The following DTWD1 variants were observed in gnomAD, a reference collection of about 807,000 sequenced individuals.
DTWD1 encodes DTW motif tRNA-uridine aminocarboxypropyltransferase 1.
DTWD1 carries 27 observed loss-of-function variants against 30.2 expected under a neutral mutation model. The observed-to-expected ratio is 0.90, with a 90% CI of 0.66 to 1.23. DTWD1 has a LOEUF of 1.23. Among genes scored for constraint, DTWD1 ranks in the 50% most tolerant of loss-of-function variants. The pLI, the probability that DTWD1 is intolerant of heterozygous loss-of-function variation, is 0.00. For synonymous variants in DTWD1, 99 were observed against 113.1 expected (o/e 0.88, Z 0.79); for missense variants, 342 against 348.8 (o/e 0.98, Z 0.15).
chr15:49,640,510 A>G (rs2079053657), intron 4 of DTWD1, among the ~76,000 whole-genome samples: 1 of 152,084 alleles, frequency 6.6e-6, no homozygotes, highest in African/African-American at 2.4e-5. Flanking sequence ...ATAATGCCAA[A>G]TTGTTTTTCA....
At chr15:49,628,301 A>G (rs1315077685) in intron 2 of DTWD1, among the ~76,000 whole-genome samples, 2 of 152,210 alleles carry the variant, frequency 1.3e-5, no homozygotes, top group East Asian at 3.8e-4. Context: ...TTTTACAGTT[A>G]ACATTTCTTT....
rs765019693 is a variant in DTWD1 at position 49,634,770 on chromosome 15, A to G, written c.643A>G (p.Ile215Val). 10 of 1,583,630 alleles carry G rather than the reference A, an allele frequency of 6.3e-6. No homozygotes were observed. In the African/African-American group the frequency reaches 1.2e-4, roughly 19 times the overall value. The change falls in exon 4 of 5, where the codon ATA becomes GTA. Residue 215 changes from isoleucine (I) to valine (V), a missense_variant. By Grantham distance (29) the Ile-to-Val change is conservative. Transcript: ENST00000403028. ...TAGCACCTGGAACCAAACAAACAAA[A>G]TATTCACTGATGAGCGACTTCAAGG... ...IDSTWNQTNKIFTDERLQGLL... is the reference protein window; with the variant it reads ...IDSTWNQTNKVFTDERLQGLL...
chr15:49,636,197 C>G (rs2079000206), intron 4 of DTWD1, among the ~76,000 whole-genome samples: 1 of 151,992 alleles, frequency 6.6e-6, no homozygotes, highest in East Asian at 1.9e-4. Flanking sequence ...ACATTTATTG[C>G]CAAGTAGTAT....
At position 49,643,442 on chromosome 15, in the gene DTWD1, A is replaced by C. The variant is rs1274839182; in HGVS notation, c.779A>C (p.Asp260Ala). 1 of 1,605,428 alleles carries C rather than the reference A, an allele frequency of 6.2e-7. No individual in the cohort carries two copies. Among genetic ancestry groups the C allele is most frequent in the African/African-American group, 1.3e-5 (1 of 74,530 alleles). ...GAAGCCATTTACTACTTTCTGGTAG[A>C]CTACCATACTGATATATTAAAAGAG... ...TIEAIYYFLV[D>A]YHTDILKEKY... Residue 260 changes from aspartate (D) to alanine (A), a missense_variant, in exon 5 of 5, where the codon GAC (aspartate) becomes GCC (alanine). Coordinates refer to ENST00000403028, the MANE Select transcript of DTWD1 (RefSeq NM_001144955.2).
In DTWD1 at chr15:49,644,472, T is replaced by C. The variant is rs2079101633; in HGVS notation, c.*894T>C. The C allele has an allele frequency of 6.6e-6, 1 of 152,236 alleles. No individual in the cohort carries two copies. The highest frequency in any genetic ancestry group is 1.5e-5 in the Non-Finnish European group (1 of 68,066). 9.4% of individuals were successfully genotyped at this position (152,236 alleles called of 1,614,324 possible). On this transcript the variant is annotated 3_prime_UTR_variant, in exon 5 of 5. Coordinates refer to ENST00000403028, the MANE Select transcript of DTWD1 (RefSeq NM_001144955.2). ...GCTTGTGAATAGAGCCCTACTGTGCTGAATAGCTTCTGTCTGCTCTTTTCT... is the reference window on the plus strand; with the variant it reads ...GCTTGTGAATAGAGCCCTACTGTGCCGAATAGCTTCTGTCTGCTCTTTTCT...
Position 49,653,066 on chromosome 15 carries a change from T to A in DTWD1, c.*9488T>A, listed in dbSNP as rs1478685195. On this transcript the variant is annotated 3_prime_UTR_variant, in exon 5 of 5. Coordinates refer to ENST00000403028, the MANE Select transcript of DTWD1 (RefSeq NM_001144955.2). ...TTCAGCATATGACATTTTGGAGTAG[T>A]TTGTTATTCAGCAATAGATAACAGA... 1 of 152,184 alleles carries A rather than the reference T, an allele frequency of 6.6e-6. No homozygotes were observed. The highest frequency in any genetic ancestry group is 2.4e-5 in the African/African-American group (1 of 41,442). 9.4% of individuals were successfully genotyped at this position (152,184 alleles called of 1,614,324 possible). A position where few individuals can be genotyped will look rare whatever the true frequency, so the allele number is the denominator to read the frequency against.
chr15:49,634,212 G>A (rs576952949), intron 3 of DTWD1, among the ~76,000 whole-genome samples: 32 of 152,198 alleles, frequency 2.1e-4, no homozygotes, highest in African/African-American at 6.7e-4. Flanking sequence ...GTTCTTTTAC[G>A]AAGTATCATG....
chr15:49,640,330 C>A (rs1249771890), intron 4 of DTWD1, among the ~76,000 whole-genome samples: 1 of 152,026 alleles, frequency 6.6e-6, no homozygotes, highest in Non-Finnish European at 1.5e-5. Context: ...CTGTGATATA[C>A]TACAGTTTAT....
rs566145930 is a variant in DTWD1 at position 49,649,432 on chromosome 15, AAG to A, written c.*5859_*5860del. The A allele has an allele frequency of 6.6e-6, 1 of 152,176 alleles. No homozygotes were observed. The highest frequency in any genetic ancestry group is 2.4e-5 in the African/African-American group (1 of 41,434). 9.4% of individuals were successfully genotyped at this position (152,176 alleles called of 1,614,324 possible). On this transcript the variant is annotated 3_prime_UTR_variant, in exon 5 of 5. Coordinates refer to ENST00000403028, the MANE Select transcript of DTWD1 (RefSeq NM_001144955.2). Reference sequence around the variant, plus strand: ...CGGAGAAGGAAACCAAAAACCAAAAAAGAGAGCATTAAGAAGTCAGCAGGCCA... The same window carrying A: ...CGGAGAAGGAAACCAAAAACCAAAAAAGAGCATTAAGAAGTCAGCAGGCCA...
At chr15:49,635,445 ATTTTGTTTT>A (rs554709145) in intron 4 of DTWD1, among the ~76,000 whole-genome samples, 350 of 152,068 alleles carry the variant, frequency 2.3e-3, no homozygotes, top group African/African-American at 7.9e-3. Context: ...TAGATCTTCT[ATTTTGTTTT>A]TTTTGTTTTT....
rs1377212283 is a variant in DTWD1 at position 49,648,238 on chromosome 15, A to G, written c.*4660A>G. The G allele has an allele frequency of 6.6e-6, 1 of 152,160 alleles. No homozygotes were observed. The highest frequency in any genetic ancestry group is 1.5e-5 in the Non-Finnish European group (1 of 68,026). The allele number at this position is 152,160 out of a possible 1,614,324, so 9.4% of individuals were successfully genotyped here. A position where few individuals can be genotyped will look rare whatever the true frequency, so the allele number is the denominator to read the frequency against. ...TTAAGCTCTATATACACTGCATATC[A>G]TCATCATGACATTGAGTTTCTAGCT... On this transcript the variant is annotated 3_prime_UTR_variant, in exon 5 of 5. Coordinates refer to ENST00000403028, the MANE Select transcript of DTWD1 (RefSeq NM_001144955.2).
chr15:49,635,616 G>A (rs766515368), intron 4 of DTWD1, among the ~76,000 whole-genome samples: 2 of 151,322 alleles, frequency 1.3e-5, no homozygotes, highest in East Asian at 2.0e-4. Flanking sequence ...CCTCAGCCTC[G>A]CTAGTAGCTG....
chr15:49,643,326 G>A lies in DTWD1; in HGVS notation c.668-5G>A. 2 of 653,592 alleles carry A rather than the reference G, an allele frequency of 3.1e-6. No individual in the cohort carries two copies. Among genetic ancestry groups the A allele is most frequent in the Non-Finnish European group, 3.7e-6 (2 of 536,394 alleles). 40.5% of individuals were successfully genotyped at this position (653,592 alleles called of 1,614,324 possible). On this transcript the variant is annotated splice_polypyrimidine_tract_variant and splice_region_variant and intron_variant, in intron 4 of 4. Transcript: ENST00000403028. ...TCTTTCTTTTTTTTTTTTTTTTTTT[G>A]ACAGGGTTGTTACAAGTTGAGTTGA...
intron 4 of DTWD1, among the ~76,000 whole-genome samples, chr15:49,641,202 A>G (rs1001033908): frequency 1.3e-5 from 2 of 151,974 alleles, no homozygotes; most frequent in African/African-American, 4.8e-5. Context: ...GTATTGAAAT[A>G]ATTGGATCTA....
At position 49,633,224 on chromosome 15, in the gene DTWD1, G is replaced by A. The variant is rs1313923011; in HGVS notation, c.408+922G>A. Among the ~76,000 whole-genome samples the A allele has an allele frequency of 4.6e-5, 7 of 151,646 alleles. No homozygotes were observed. In the East Asian group the frequency reaches 7.7e-4, roughly 17 times the overall value. ...TATGTTCTGTAAGGAGATGTGATAC[G>A]CTTATAATTTAAGAAAATTCAGAAG... is the stretch of plus-strand genomic sequence containing the variant. On this transcript the variant is annotated intron_variant, in intron 3 of 4. Transcript: ENST00000403028.
At position 49,639,978 on chromosome 15, in the gene DTWD1, TACAC is replaced by T. The variant is rs560408520; in HGVS notation, c.668-3344_668-3341del. 3.4e-4 allele frequency among the ~76,000 whole-genome samples: 52 copies of T among 152,104 alleles called. No homozygotes were observed. The South Asian group carries it at 6.2e-3, about 18-fold the overall frequency. On this transcript the variant is annotated intron_variant, in intron 4 of 4. Transcript: ENST00000403028. ...ATTGTGATACATATGAAATAATATA[TACAC>T]ACACACACGTATATGTAACATTAAG...
chr15:49,623,014 T>G (rs1425242648), intron 1 of DTWD1, among the ~76,000 whole-genome samples: 2 of 152,242 alleles, frequency 1.3e-5, no homozygotes, highest in African/African-American at 4.8e-5. Flanking sequence ...CTAGGAGGAA[T>G]GCACTTTCAG....
chr15:49,639,277 T>A (rs2079037759), intron 4 of DTWD1, among the ~76,000 whole-genome samples: 1 of 152,200 alleles, frequency 6.6e-6, no homozygotes, highest in Non-Finnish European at 1.5e-5. Flanking sequence ...TTACTAGTTT[T>A]GAGCCAGGTG....
At chr15:49,630,014 T>G (rs2078897854) in intron 2 of DTWD1, 1 of 152,114 alleles carries the variant, frequency 6.6e-6, no homozygotes, top group Non-Finnish European at 1.5e-5. Flanking sequence ...AAAATAGTTT[T>G]GGAACTAATG....
Sources: allele counts gnomAD v4.1 joint callset (sites outside exome capture counted in the v4.1 genomes callset), GRCh38; gene constraint gnomAD v4.1.1; transcripts MANE v1.5; gene names NCBI Gene and HGNC (gene_info 2026-07-23, HGNC 2026-07-21).